ATP5PD: variants seen among roughly 807,000 people sequenced by gnomAD.
ATP5PD encodes the protein ATP synthase peripheral stalk subunit d, mitochondrial.
In ATP5PD, 13 loss-of-function variants were observed where a neutral mutation model predicts 22.6. The observed-to-expected ratio is 0.58, with a 90% CI of 0.37 to 0.91. The LOEUF (loss-of-function observed/expected upper bound fraction) is 0.91. Among genes scored for constraint, ATP5PD ranks in the 40% least tolerant of loss-of-function variants. The pLI is 0.00. For synonymous variants in ATP5PD, 51 were observed against 65.0 expected (o/e 0.79, Z 1.03); for missense variants, 165 against 188.0 (o/e 0.88, Z 0.72).
At chr17:75,043,216 G>A (rs951762219) in intron 1 of ATP5PD, among the ~76,000 whole-genome samples, 10 of 152,216 alleles carry the variant, frequency 6.6e-5, no homozygotes, top group Admixed American at 4.6e-4. Flanking sequence ...GCAAGAGTCC[G>A]TCTCAAAAAG....
chr17:75,042,337 T>C, intron 2 of ATP5PD, 60 bp from the exon 3 acceptor site: 1 of 1,563,866 alleles, frequency 6.4e-7, no homozygotes, highest in Non-Finnish European at 8.8e-7. Flanking sequence ...ATTCACATGG[T>C]AATTTTCCTA....
At chr17:75,042,080 T>G in intron 3 of ATP5PD, 101 bp downstream of exon 3, 1 of 1,041,474 alleles carries the variant, frequency 9.6e-7, no homozygotes, top group Non-Finnish European at 1.4e-6. Context: ...TAAGCTTCCT[T>G]AGGGATCTGG....
intron 3 of ATP5PD, chr17:75,041,918 A>C: frequency 3.0e-6 from 1 of 337,754 alleles, no homozygotes; most frequent in Non-Finnish European, 5.4e-6. Flanking sequence ...CCCAGGTCAG[A>C]AACAGAGCAG....
intron 3 of ATP5PD, 80 bp from the exon 4 acceptor site, chr17:75,040,243 G>C: frequency 6.5e-7 from 1 of 1,532,204 alleles, no homozygotes; most frequent in Non-Finnish European, 9.0e-7. Context: ...AATACACCCA[G>C]GAGCTCAAAG....
At chr17:75,040,311 G>T in intron 3 of ATP5PD, 148 bp from the exon 4 acceptor site, 1 of 872,064 alleles carries the variant, frequency 1.1e-6, no homozygotes, top group Non-Finnish European at 1.9e-6. Flanking sequence ...GTCCCAAGCG[G>T]AAACGAATAC....
intron 3 of ATP5PD, chr17:75,041,351 A>G (rs1342838552): frequency 2.2e-5 from 3 of 133,710 alleles, no homozygotes; most frequent in Non-Finnish European, 4.8e-5. Context: ...TGAGACTCCA[A>G]CTCAAAAAAA....
intron 4 of ATP5PD, 193 bp from the exon 5 acceptor site, chr17:75,039,464 T>C (rs1480419602): frequency 8.8e-6 from 5 of 571,124 alleles, no homozygotes; most frequent in East Asian, 2.9e-5. Context: ...GAAGCCCATA[T>C]GGAAAACCAG....
intron 3 of ATP5PD, chr17:75,040,754 C>A (rs937704898): frequency 6.6e-6 from 1 of 152,468 alleles, no homozygotes; most frequent in Non-Finnish European, 1.5e-5. Flanking sequence ...TGCAAGGTGG[C>A]CAGCACCTGT....
chr17:75,040,440 C>G (rs185784219), intron 3 of ATP5PD: 69 of 441,620 alleles, frequency 1.6e-4, no homozygotes, highest in Non-Finnish European at 2.6e-4. Flanking sequence ...GCTTCATTTT[C>G]TTCATCTGAA....
chr17:75,042,004 G>A (rs2073166235), intron 3 of ATP5PD, 177 bp downstream of exon 3: 1 of 568,728 alleles, frequency 1.8e-6, no homozygotes, highest in Admixed American at 3.4e-5. Context: ...AATGAACAGA[G>A]CCTAAATTCC....
chr17:75,039,274 T>C lies in ATP5PD; in HGVS notation c.292-3A>G. On this transcript the variant is annotated splice_region_variant and splice_polypyrimidine_tract_variant and intron_variant, in intron 4 of 5. Transcript: ENST00000301587. ...ACCCACTCAGCACAAGATTTCACCT[T>C]TAAGAAGAAAGAGAAATTCAGTTCT... 6.2e-7 allele frequency: 1 copy of C among 1,614,018 alleles called. No individual in the cohort carries two copies. Among genetic ancestry groups the C allele is most frequent in the Non-Finnish European group, 8.5e-7 (1 of 1,179,972 alleles).
intron 1 of ATP5PD, among the ~76,000 whole-genome samples, chr17:75,046,189 TCTC>T (rs2073214321): frequency 6.6e-6 from 1 of 152,128 alleles, no homozygotes; most frequent in Non-Finnish European, 1.5e-5. Context: ...TTCAAGCGAT[TCTC>T]CTGCCTCAGC....
chr17:75,040,028 G>A (rs752836537), intron 4 of ATP5PD, 64 bp downstream of exon 4: 54 of 1,546,426 alleles, frequency 3.5e-5, no homozygotes, highest in Non-Finnish European at 4.6e-5. Context: ...ACTTAACTTA[G>A]CTATAATAGA....
chr17:75,045,004 C>T (rs554407936), intron 1 of ATP5PD, among the ~76,000 whole-genome samples: 13 of 152,126 alleles, frequency 8.5e-5, no homozygotes, highest in East Asian at 5.8e-4. Context: ...ATCAGTGTAT[C>T]GGGGAACTTG....
intron 1 of ATP5PD, among the ~76,000 whole-genome samples, chr17:75,044,042 T>C (rs2073187082): frequency 2.2e-5 from 3 of 138,302 alleles, no homozygotes. Flanking sequence ...TTTTTTTTTT[T>C]GAGATGGAGT....
chr17:75,040,216 G>C, intron 3 of ATP5PD, 53 bp from the exon 4 acceptor site: 1 of 1,609,098 alleles, frequency 6.2e-7, no homozygotes, highest in Non-Finnish European at 8.5e-7. Context: ...CAAACACAAG[G>C]ACAGTGAGTC....
intron 1 of ATP5PD, among the ~76,000 whole-genome samples, chr17:75,045,712 G>A (rs1191881413): frequency 2.0e-5 from 3 of 152,222 alleles, no homozygotes; most frequent in East Asian, 1.9e-4. Context: ...TTTTTTCAGG[G>A]TGCCCACATT....
At chr17:75,042,130 CT>C in intron 3 of ATP5PD, 50 bp downstream of exon 3, 1 of 1,504,270 alleles carries the variant, frequency 6.6e-7, no homozygotes, top group Non-Finnish European at 9.2e-7. Context: ...TTCCTGCTCC[CT>C]ACCCACAGGC....
chr17:75,038,969 T>C lies in ATP5PD; in HGVS notation c.449A>G (p.Tyr150Cys). ...AATTGGTTGGTGAGGCCAATAGGGA[T>C]ACTTTTTCTTGTCTAATTTGGTTTC... is the stretch of plus-strand genomic sequence containing the variant. Reference protein sequence around the residue: ...FPETKLDKKKYPYWPHQPIEN... With the variant: ...FPETKLDKKKCPYWPHQPIEN... Residue 150 changes from tyrosine (Y) to cysteine (C), a missense_variant, in exon 6 of 6, where the codon TAT (tyrosine) becomes TGT (cysteine). Transcript: ENST00000301587. The C allele has an allele frequency of 6.2e-7, 1 of 1,614,204 alleles. No homozygotes were observed. The highest frequency in any genetic ancestry group is 8.5e-7 in the Non-Finnish European group (1 of 1,180,020).
Sources: allele counts gnomAD v4.1 joint callset (sites outside exome capture counted in the v4.1 genomes callset), GRCh38; gene constraint gnomAD v4.1.1; transcripts MANE v1.5; gene names NCBI Gene and HGNC (gene_info 2026-07-23, HGNC 2026-07-21).